AKAP9: variants seen among roughly 807,000 people sequenced by gnomAD.
AKAP9 encodes the protein A-kinase anchoring protein 9, also known as A-kinase anchor protein 9.
A neutral mutation model predicts 488.5 loss-of-function variants in AKAP9; 311 were observed. That is an observed-to-expected ratio of 0.64 (90% confidence interval 0.58 to 0.70). The LOEUF (loss-of-function observed/expected upper bound fraction) is 0.70, where lower values mean the gene tolerates loss of function less well. AKAP9 is among the 30% of genes least tolerant of loss of function. The pLI, the probability that AKAP9 is intolerant of heterozygous loss-of-function variation, is 0.00. For synonymous variants in AKAP9, 1,462 were observed against 1,483.5 expected (o/e 0.99, Z 0.33); for missense variants, 4,215 against 4,374.5 (o/e 0.96, Z 1.03).
At chr7:92,100,435 G>A (rs1266055909) in intron 44 of AKAP9, among the ~76,000 whole-genome samples, 7 of 152,206 alleles carry the variant, frequency 4.6e-5, no homozygotes, top group Non-Finnish European at 8.8e-5. Flanking sequence ...TAAGACAACT[G>A]TGTGGTTAAA....
In AKAP9 at chr7:91,994,774, CAAGT is replaced by C. The variant is rs1488983909; in HGVS notation, c.732+4_732+7del. ...TCAAAAATTACAGATTCAATTTCAG[CAAGT>C]AAGTATTACTAATGCAACAAAATTC... On this transcript the variant is annotated splice_donor_variant and coding_sequence_variant, in exon 6 of 50. Coordinates refer to ENST00000356239, the MANE Select transcript of AKAP9 (RefSeq NM_005751.5). LOFTEE classifies it high-confidence loss of function. 13 of 1,609,734 alleles carry C rather than the reference CAAGT, an allele frequency of 8.1e-6. No individual in the cohort carries two copies. The highest frequency in any genetic ancestry group is 1.3e-5 in the African/African-American group (1 of 74,898).
chr7:92,054,095 G>A (rs562061451), intron 22 of AKAP9, among the ~76,000 whole-genome samples: 3 of 152,040 alleles, frequency 2.0e-5, no homozygotes, highest in Admixed American at 1.3e-4. Flanking sequence ...GGGAGTAGGC[G>A]TTTTTAAAAA....
intron 1 of AKAP9, among the ~76,000 whole-genome samples, chr7:91,965,332 C>T (rs1794310002): frequency 6.6e-6 from 1 of 152,160 alleles, no homozygotes; most frequent in Non-Finnish European, 1.5e-5. Context: ...ATAGTGCCCT[C>T]CATTTGTGTC....
At chr7:91,991,976 G>A (rs1320789240) in intron 3 of AKAP9, among the ~76,000 whole-genome samples, 182 bp from the exon 4 acceptor site, 1 of 152,122 alleles carries the variant, frequency 6.6e-6, no homozygotes, top group East Asian at 1.9e-4. Flanking sequence ...GGAATGATTG[G>A]CATTTGAAAT....
chr7:91,954,638 CAT>C (rs1792712279), intron 1 of AKAP9, among the ~76,000 whole-genome samples: 2 of 152,212 alleles, frequency 1.3e-5, no homozygotes, highest in African/African-American at 4.8e-5. Context: ...CACATCTACT[CAT>C]AGAGTAATCA....
At chr7:92,022,183 C>A in intron 12 of AKAP9, 55 bp from the exon 13 acceptor site, 1 of 1,367,400 alleles carries the variant, frequency 7.3e-7, no homozygotes, top group East Asian at 2.3e-5. Context: ...ATACAGCTTT[C>A]TAATTGCTGG....
At chr7:92,007,456 T>C (rs772277188) in intron 8 of AKAP9, among the ~76,000 whole-genome samples, 75 of 152,138 alleles carry the variant, frequency 4.9e-4, no homozygotes, top group Non-Finnish European at 9.4e-4. Flanking sequence ...TTCACCATGT[T>C]GGCCAGGCTG....
At chr7:91,972,904 C>T (rs573423655) in intron 1 of AKAP9, among the ~76,000 whole-genome samples, 1 of 152,202 alleles carries the variant, frequency 6.6e-6, no homozygotes, top group South Asian at 2.1e-4. Flanking sequence ...TAAGTTATTT[C>T]CAGTTTTTTT....
chr7:92,086,214 A>G lies in AKAP9; in HGVS notation c.9025-14A>G, dbSNP rs545111372. ...TTATTTGAAAACTAACTATCGTTAT[A>G]TGTACTTTGCTAGGTTTATGATAGT... On this transcript the variant is annotated splice_polypyrimidine_tract_variant and intron_variant, in intron 36 of 49. Transcript: ENST00000356239. 5 of 1,605,932 alleles carry G rather than the reference A, an allele frequency of 3.1e-6. No homozygotes were observed. The highest frequency in any genetic ancestry group is 1.1e-5 in the South Asian group (1 of 90,648).
chr7:92,103,877 A>G (rs1244857155), intron 46 of AKAP9, among the ~76,000 whole-genome samples: 2 of 152,182 alleles, frequency 1.3e-5, no homozygotes, highest in Admixed American at 6.5e-5. Flanking sequence ...TCCTAACTGC[A>G]TTCAAATCAG....
At chr7:92,031,946 A>T (rs751373942) in intron 16 of AKAP9, among the ~76,000 whole-genome samples, 2 of 152,224 alleles carry the variant, frequency 1.3e-5, no homozygotes, top group Non-Finnish European at 2.9e-5. Flanking sequence ...TGTATATATT[A>T]TCTGTATCTA....
At chr7:92,019,888 C>T (rs567111601) in intron 12 of AKAP9, among the ~76,000 whole-genome samples, 1 of 151,778 alleles carries the variant, frequency 6.6e-6, no homozygotes, top group Non-Finnish European at 1.5e-5. Flanking sequence ...GTGACACGGG[C>T]CTATAATCCC....
rs542274492 is a variant in AKAP9 at position 92,007,448 on chromosome 7, C to T, written c.3318+4213C>T. Among the ~76,000 whole-genome samples the T allele has an allele frequency of 7.9e-5, 12 of 152,098 alleles. 1 individual carries two copies. The East Asian group carries it at 1.9e-3, about 24-fold the overall frequency. ...TGTATTTTTAGTAGAGATGGGGTTT[C>T]ACCATGTTGGCCAGGCTGGTCTTGA... On this transcript the variant is annotated intron_variant, in intron 8 of 49. Coordinates refer to ENST00000356239, the MANE Select transcript of AKAP9 (RefSeq NM_005751.5).
chr7:92,106,775 A>G (rs750383420), intron 47 of AKAP9, among the ~76,000 whole-genome samples: 2 of 152,202 alleles, frequency 1.3e-5, no homozygotes, highest in Non-Finnish European at 1.5e-5. Context: ...CCAGGAGCTG[A>G]GCATCCTACA....
chr7:92,055,946 A>T (rs928772773), intron 22 of AKAP9, among the ~76,000 whole-genome samples: 1 of 151,952 alleles, frequency 6.6e-6, no homozygotes, highest in African/African-American at 2.4e-5. Flanking sequence ...TTCCTAATAT[A>T]ACTACTTACC....
At chr7:92,087,404 A>G (rs1033009961) in intron 37 of AKAP9, among the ~76,000 whole-genome samples, 1 of 152,242 alleles carries the variant, frequency 6.6e-6, no homozygotes, top group Admixed American at 6.5e-5. Flanking sequence ...TATAAAAATA[A>G]TAGAATATTA....
intron 1 of AKAP9, among the ~76,000 whole-genome samples, chr7:91,942,120 A>C (rs149486560): frequency 1.3e-5 from 2 of 152,262 alleles, no homozygotes; most frequent in African/African-American, 4.8e-5. Flanking sequence ...TATGGATTAT[A>C]TTATTTTTAG....
chr7:92,100,219 C>T (rs544998936), intron 44 of AKAP9, among the ~76,000 whole-genome samples: 2 of 152,230 alleles, frequency 1.3e-5, no homozygotes, highest in East Asian at 3.9e-4. Flanking sequence ...AACAGATACA[C>T]GAGATGTTCA....
rs754122853 is a variant in AKAP9 at position 92,040,849 on chromosome 7, A to G, written c.4868A>G (p.Gln1623Arg). 1 of 1,614,094 alleles carries G rather than the reference A, an allele frequency of 6.2e-7. No homozygotes were observed. Among genetic ancestry groups the G allele is most frequent in the Non-Finnish European group, 8.5e-7 (1 of 1,180,004 alleles). The change falls in exon 18 of 50, where the codon CAG (glutamine) becomes CGG (arginine). Residue 1623 changes from glutamine to arginine, a missense_variant. Gln to Arg is a conservative substitution (Grantham distance 43, BLOSUM62 1). Transcript: ENST00000356239. ...MRQMERQRED[Q>R]EQLQEEIKRL... ...CAAATGGAGAGACAGCGAGAAGACC[A>G]GGAACAGCTACAAGAAGAGATTAAG...
Sources: allele counts gnomAD v4.1 joint callset (sites outside exome capture counted in the v4.1 genomes callset), GRCh38; gene constraint gnomAD v4.1.1; transcripts MANE v1.5; gene names NCBI Gene and HGNC (gene_info 2026-07-23, HGNC 2026-07-21).